SPOCK1: variants seen among roughly 807,000 people sequenced by gnomAD.
The protein encoded by SPOCK1 is testican-1.
In SPOCK1, 23 loss-of-function variants were observed where a neutral mutation model predicts 55.3. That is an observed-to-expected ratio of 0.42 (90% CI 0.30 to 0.59). SPOCK1 has a LOEUF of 0.59. Among genes scored for constraint, SPOCK1 ranks in the 20% least tolerant of loss-of-function variants. SPOCK1 has a pLI of 0.22. For missense variants in SPOCK1, 499 were observed against 552.5 expected (o/e 0.90, Z 0.97); for synonymous variants, 226 against 221.0 (o/e 1.02, Z -0.20).
chr5:137,259,642 A>T (rs1272455392), intron 3 of SPOCK1, among the ~76,000 whole-genome samples: 1 of 151,962 alleles, frequency 6.6e-6, no homozygotes, highest in Non-Finnish European at 1.5e-5. Flanking sequence ...GTATAATAAT[A>T]ATAAAAAAAC....
At chr5:137,471,454 A>C (rs1753735698) in intron 2 of SPOCK1, among the ~76,000 whole-genome samples, 1 of 152,222 alleles carries the variant, frequency 6.6e-6, no homozygotes, top group Non-Finnish European at 1.5e-5. Context: ...TGCAAAGGTT[A>C]AATGGAATAC....
Position 137,160,571 on chromosome 5 carries a change from T to TAA in SPOCK1, c.233-19878_233-19877insTT, listed in dbSNP as rs1491560192. On this transcript the variant is annotated intron_variant, in intron 3 of 10. Coordinates refer to ENST00000394945, the MANE Select transcript of SPOCK1 (RefSeq NM_004598.4). ...TATAATATATATTATATATTATATA[T>TAA]TATATAATATATATAATATATAATA... is the stretch of plus-strand genomic sequence containing the variant. Among the ~76,000 whole-genome samples the TAA allele has an allele frequency of 9.5e-3, 507 of 53,590 alleles. 18 individuals are homozygous for TAA. Among genetic ancestry groups the TAA allele is most frequent in the African/African-American group, 0.023 (309 of 13,326 alleles). The allele number at this position is 53,590 out of a possible 152,430, so 35.2% of individuals were successfully genotyped here. A position where few individuals can be genotyped will look rare whatever the true frequency, so the allele number is the denominator to read the frequency against.
chr5:137,247,999 T>A (rs990966058), intron 3 of SPOCK1, among the ~76,000 whole-genome samples: 1 of 152,194 alleles, frequency 6.6e-6, no homozygotes, highest in Admixed American at 6.5e-5. Context: ...GAGCTTTGGC[T>A]GCGACAAACA....
chr5:137,024,322 G>C (rs977779065), intron 6 of SPOCK1, among the ~76,000 whole-genome samples: 5 of 144,312 alleles, frequency 3.5e-5, no homozygotes, highest in African/African-American at 1.3e-4. Flanking sequence ...GAAGGGGGGG[G>C]GGTAGTTACA....
chr5:137,301,039 C>T (rs1436720084), intron 2 of SPOCK1, among the ~76,000 whole-genome samples: 2 of 152,206 alleles, frequency 1.3e-5, no homozygotes, highest in Non-Finnish European at 1.5e-5. Flanking sequence ...CATCCTTAGC[C>T]AAACAGGGAA....
intron 2 of SPOCK1, among the ~76,000 whole-genome samples, chr5:137,471,708 A>G (rs557642645): frequency 9.2e-5 from 14 of 152,312 alleles, no homozygotes; most frequent in African/African-American, 2.6e-4. Flanking sequence ...GCCAGCAGTC[A>G]GCAGATCAGA....
At chr5:137,361,845 A>G (rs1750952931) in intron 2 of SPOCK1, among the ~76,000 whole-genome samples, 2 of 152,216 alleles carry the variant, frequency 1.3e-5, no homozygotes, top group African/African-American at 4.8e-5. Context: ...GACTCGGGAA[A>G]GAAGTCAAGA....
chr5:137,283,984 A>G (rs1419914294), intron 2 of SPOCK1, among the ~76,000 whole-genome samples: 4 of 152,174 alleles, frequency 2.6e-5, no homozygotes, highest in African/African-American at 9.7e-5. Context: ...ACAGGAAGCA[A>G]ATGAATGTTT....
chr5:137,282,337 G>A (rs539900827), intron 2 of SPOCK1, among the ~76,000 whole-genome samples: 1 of 152,368 alleles, frequency 6.6e-6, no homozygotes, highest in South Asian at 2.1e-4. Context: ...GTGCAAAAGT[G>A]TAAATAAAAT....
chr5:137,111,807 C>T (rs996975057), intron 5 of SPOCK1, among the ~76,000 whole-genome samples: 1 of 152,126 alleles, frequency 6.6e-6, no homozygotes, highest in African/African-American at 2.4e-5. Context: ...TCCCTCATCC[C>T]TCCAATAAAT....
chr5:137,422,748 G>T (rs915494009), intron 2 of SPOCK1, among the ~76,000 whole-genome samples: 2 of 152,156 alleles, frequency 1.3e-5, no homozygotes. Flanking sequence ...CTTTAGCTTG[G>T]AGTAGTTTGA....
chr5:137,346,628 T>C (rs1750563625), intron 2 of SPOCK1, among the ~76,000 whole-genome samples: 1 of 152,160 alleles, frequency 6.6e-6, no homozygotes, highest in African/African-American at 2.4e-5. Context: ...AGGAGGTACA[T>C]TCAAATTTAA....
At chr5:137,136,498 C>A (rs1338882630) in intron 4 of SPOCK1, among the ~76,000 whole-genome samples, 1 of 152,058 alleles carries the variant, frequency 6.6e-6, no homozygotes, top group Non-Finnish European at 1.5e-5. Flanking sequence ...AATATAGGAA[C>A]CACTTGATCA....
intron 2 of SPOCK1, among the ~76,000 whole-genome samples, chr5:137,397,603 C>A (rs1751880484): frequency 1.3e-5 from 2 of 152,178 alleles, no homozygotes. Flanking sequence ...AAATTGTGGA[C>A]TTTACCTGTC....
At chr5:137,186,543 G>A (rs1307609656) in intron 3 of SPOCK1, among the ~76,000 whole-genome samples, 2 of 152,208 alleles carry the variant, frequency 1.3e-5, no homozygotes, top group African/African-American at 4.8e-5. Context: ...AGCTTCACAA[G>A]GCAATGGGAA....
At chr5:137,266,006 AG>A (rs1374002653) in intron 3 of SPOCK1, among the ~76,000 whole-genome samples, 13 of 152,204 alleles carry the variant, frequency 8.5e-5, no homozygotes, top group African/African-American at 2.7e-4. Context: ...ACTACTTCAA[AG>A]CCTATGATAA....
intron 2 of SPOCK1, among the ~76,000 whole-genome samples, chr5:137,291,428 G>A (rs1487174508): frequency 6.6e-6 from 1 of 152,190 alleles, no homozygotes; most frequent in Non-Finnish European, 1.5e-5. Flanking sequence ...TTGCAAGTGT[G>A]TAATTCCTTC....
At chr5:137,284,087 G>A (rs1297267396) in intron 2 of SPOCK1, among the ~76,000 whole-genome samples, 2 of 152,194 alleles carry the variant, frequency 1.3e-5, no homozygotes, top group Non-Finnish European at 2.9e-5. Flanking sequence ...GGATGATGGT[G>A]GCCTCTACAT....
intron 2 of SPOCK1, among the ~76,000 whole-genome samples, chr5:137,276,831 A>G (rs1210969686): frequency 1.3e-5 from 2 of 152,152 alleles, no homozygotes; most frequent in African/African-American, 2.4e-5. Context: ...ATTTCTGCCC[A>G]ATGGCCCCAC....
Sources: allele counts gnomAD v4.1 joint callset (sites outside exome capture counted in the v4.1 genomes callset), GRCh38; gene constraint gnomAD v4.1.1; transcripts MANE v1.5; gene names NCBI Gene and HGNC (gene_info 2026-07-23, HGNC 2026-07-21).